WWOX: variants seen among roughly 807,000 people sequenced by gnomAD.
WWOX encodes the protein WW domain containing oxidoreductase.
Under a neutral mutation model 46.2 loss-of-function variants are expected in WWOX, and 69 were observed. The ratio of observed to expected loss-of-function variants is 1.49; its 90% CI spans 1.23 to 1.82. The LOEUF (loss-of-function observed/expected upper bound fraction) is 1.82. Ranked by LOEUF, WWOX falls within the 40% of genes most tolerant of loss-of-function variation. The pLI is 0.00. For missense variants in WWOX, 919 were observed against 542.6 expected (o/e 1.69, Z -6.89); for synonymous variants, 359 against 202.6 (o/e 1.77, Z -6.56).
chr16:79,008,296 T>C (rs1004985330), intron 8 of WWOX, among the ~76,000 whole-genome samples: 5 of 152,164 alleles, frequency 3.3e-5, no homozygotes, highest in Admixed American at 2.0e-4. Flanking sequence ...AGTCACTCTC[T>C]TCAGTGAGGG....
intron 5 of WWOX, among the ~76,000 whole-genome samples, chr16:78,312,710 T>C (rs1054876796): frequency 6.6e-6 from 1 of 152,170 alleles, no homozygotes; most frequent in Non-Finnish European, 1.5e-5. Flanking sequence ...TCAGCAACTG[T>C]AGGATTTCTC....
chr16:78,597,771 T>C (rs1202764499), intron 8 of WWOX, among the ~76,000 whole-genome samples: 1 of 147,532 alleles, frequency 6.8e-6, no homozygotes, highest in African/African-American at 2.6e-5. Flanking sequence ...TATATATATA[T>C]ATATATATAA....
At chr16:78,591,346 A>T (rs1334491078) in intron 8 of WWOX, among the ~76,000 whole-genome samples, 4 of 152,180 alleles carry the variant, frequency 2.6e-5, no homozygotes, top group African/African-American at 9.7e-5. Context: ...CAAATGAAGC[A>T]TCTGGGACCA....
intron 5 of WWOX, among the ~76,000 whole-genome samples, chr16:78,280,095 C>T (rs1170571286): frequency 6.6e-6 from 1 of 152,240 alleles, no homozygotes; most frequent in Non-Finnish European, 1.5e-5. Flanking sequence ...TACAGCTAAT[C>T]ATGGCAGGCT....
At chr16:79,041,493 G>T (rs919842653) in intron 8 of WWOX, among the ~76,000 whole-genome samples, 1 of 152,188 alleles carries the variant, frequency 6.6e-6, no homozygotes, top group Non-Finnish European at 1.5e-5. Context: ...GGATGATGGA[G>T]CAGGGATCAT....
intron 8 of WWOX, among the ~76,000 whole-genome samples, chr16:78,829,532 C>G (rs1312222203): frequency 6.6e-6 from 1 of 152,120 alleles, no homozygotes; most frequent in Non-Finnish European, 1.5e-5. Context: ...CACTGTGTGG[C>G]CCAGTCAAGT....
intron 8 of WWOX, among the ~76,000 whole-genome samples, chr16:78,541,675 A>T (rs1482466550): frequency 6.6e-6 from 1 of 151,962 alleles, no homozygotes; most frequent in Non-Finnish European, 1.5e-5. Flanking sequence ...GTGAGGTGTG[A>T]CATTGAAAAA....
intron 8 of WWOX, among the ~76,000 whole-genome samples, chr16:79,021,195 A>G (rs2047525723): frequency 6.6e-6 from 1 of 152,178 alleles, no homozygotes; most frequent in South Asian, 2.1e-4. Flanking sequence ...CATTCTGCAA[A>G]TCTACATGCA....
chr16:78,430,782 A>G (rs997946155), intron 7 of WWOX, among the ~76,000 whole-genome samples: 22 of 152,308 alleles, frequency 1.4e-4, no homozygotes, highest in Admixed American at 1.4e-3. Context: ...CAGCTATGTC[A>G]TTTAACACTA....
chr16:78,940,393 G>C (rs1257668836), intron 8 of WWOX, among the ~76,000 whole-genome samples: 1 of 152,126 alleles, frequency 6.6e-6, no homozygotes, highest in Non-Finnish European at 1.5e-5. Context: ...TCCCATCTTA[G>C]CTCAGTGTTT....
intron 8 of WWOX, among the ~76,000 whole-genome samples, chr16:78,825,061 T>C (rs2051611496): frequency 6.6e-6 from 1 of 151,976 alleles, no homozygotes; most frequent in Admixed American, 6.6e-5. Context: ...TAGGGGAAAA[T>C]GGTAATACTC....
At chr16:78,833,644 A>C (rs887434146) in intron 8 of WWOX, among the ~76,000 whole-genome samples, 1 of 152,088 alleles carries the variant, frequency 6.6e-6, no homozygotes, top group Non-Finnish European at 1.5e-5. Flanking sequence ...TGCATTACTG[A>C]TGTGTTTAAG....
At chr16:78,693,287 C>T (rs969488357) in intron 8 of WWOX, among the ~76,000 whole-genome samples, 1 of 152,160 alleles carries the variant, frequency 6.6e-6, no homozygotes, top group Admixed American at 6.6e-5. Context: ...AAAGAGAATG[C>T]TTCCCGTCCC....
intron 8 of WWOX, among the ~76,000 whole-genome samples, chr16:78,513,266 T>C (rs1014978048): frequency 6.6e-6 from 1 of 152,216 alleles, no homozygotes; most frequent in Non-Finnish European, 1.5e-5. Context: ...TCTATGTAAG[T>C]AGGAGGCTCT....
chr16:78,150,298 C>T (rs145608477), intron 4 of WWOX, among the ~76,000 whole-genome samples: 1 of 152,320 alleles, frequency 6.6e-6, no homozygotes, highest in South Asian at 2.1e-4. Flanking sequence ...TTCCATACCC[C>T]CTCCCGGCAT....
At chr16:78,439,698 AT>A (rs2083405745) in intron 8 of WWOX, among the ~76,000 whole-genome samples, 1 of 152,254 alleles carries the variant, frequency 6.6e-6, no homozygotes, top group Admixed American at 6.5e-5. Flanking sequence ...GCCGCAAGTT[AT>A]TAACACCCAC....
At chr16:78,365,810 CTG>C (rs376108224) in intron 5 of WWOX, among the ~76,000 whole-genome samples, 6 of 152,252 alleles carry the variant, frequency 3.9e-5, no homozygotes, top group African/African-American at 1.4e-4. Flanking sequence ...CACCAAATTT[CTG>C]TGTCTTCATT....
intron 5 of WWOX, among the ~76,000 whole-genome samples, chr16:78,335,477 A>G (rs1441768721): frequency 6.6e-6 from 1 of 152,134 alleles, no homozygotes; most frequent in Non-Finnish European, 1.5e-5. Context: ...TTATGATTAT[A>G]TAATATTCCA....
At chr16:78,798,020 C>G (rs963713454) in intron 8 of WWOX, among the ~76,000 whole-genome samples, 4 of 152,124 alleles carry the variant, frequency 2.6e-5, no homozygotes, top group African/African-American at 9.7e-5. Context: ...TAAAAATTCA[C>G]TGGAGCTATG....
Sources: allele counts gnomAD v4.1 joint callset (sites outside exome capture counted in the v4.1 genomes callset), GRCh38; gene constraint gnomAD v4.1.1; transcripts MANE v1.5; gene names NCBI Gene and HGNC (gene_info 2026-07-23, HGNC 2026-07-21).